NUTM2G: variants seen among roughly 807,000 people sequenced by gnomAD.
NUTM2G encodes the protein family with sequence similarity 22, member G.
In NUTM2G, 29 loss-of-function variants were observed where a neutral mutation model predicts 44.3. The observed-to-expected ratio is 0.66, with a 90% confidence interval of 0.49 to 0.89. NUTM2G has a LOEUF of 0.89. Ranked by LOEUF, NUTM2G falls within the 40% of genes least tolerant of loss-of-function variation. The pLI, the probability that NUTM2G is intolerant of heterozygous loss-of-function variation, is 0.00. For synonymous variants in NUTM2G, 205 were observed against 395.9 expected (o/e 0.52, Z 5.72); for missense variants, 502 against 946.5 (o/e 0.53, Z 6.16).
chr9:96,937,969 C>T lies in NUTM2G; in HGVS notation c.1408C>T (p.Leu470=). The change falls in exon 6 of 7, where the codon CTG becomes TTG. Residue 470 remains leucine (L), a synonymous_variant. Coordinates refer to ENST00000372322, the MANE Select transcript of NUTM2G (RefSeq NM_001170741.3). ...GGATTTCTTGGCCCTAAGCCAGGAG[C>T]TGGAGCAGGAGGAAGGACTCACCCT... ...QMDFLALSQE[L]EQEEGLTLAQ... is the part of the protein sequence containing the mutation. 1.2e-6 allele frequency: 2 copies of T among 1,612,152 alleles called. No individual in the cohort carries two copies. Among genetic ancestry groups the T allele is most frequent in the Non-Finnish European group, 1.7e-6 (2 of 1,179,834 alleles).
chr9:96,936,826 C>T (rs1826447446), intron 4 of NUTM2G, among the ~76,000 whole-genome samples: 1 of 152,162 alleles, frequency 6.6e-6, no homozygotes, highest in Non-Finnish European at 1.5e-5. Context: ...ATATGCTCTG[C>T]CCAGGAAGCA....
chr9:96,935,510 C>T lies in NUTM2G; in HGVS notation c.842+54C>T. The T allele has an allele frequency of 2.5e-6, 4 of 1,611,402 alleles. No homozygotes were observed. The East Asian group carries it at 6.7e-5, about 27-fold the overall frequency. ...CGTGTGGCGGGGTGAGAGTGAATGA[C>T]AGAGGCCCGGTGGCCGTGGTGGCTT... is the stretch of plus-strand genomic sequence containing the variant. On this transcript the variant is annotated intron_variant, in intron 3 of 6. Coordinates refer to ENST00000372322, the MANE Select transcript of NUTM2G (RefSeq NM_001170741.3).
chr9:96,935,521 T>C, intron 3 of NUTM2G, 65 bp downstream of exon 3: 1 of 1,611,094 alleles, frequency 6.2e-7, no homozygotes. Flanking sequence ...AGAGGCCCGG[T>C]GGCCGTGGTG....
chr9:96,933,990 G>A (rs986128510), intron 2 of NUTM2G: 4 of 152,186 alleles, frequency 2.6e-5, no homozygotes, highest in South Asian at 2.1e-4. Flanking sequence ...GACATACGTA[G>A]CACAGTGCCT....
chr9:96,938,148 AG>A (rs1220529762), intron 6 of NUTM2G, 147 bp downstream of exon 6: 1 of 660,424 alleles, frequency 1.5e-6, no homozygotes, highest in Non-Finnish European at 2.7e-6. Flanking sequence ...GCAGGTTCAG[AG>A]GGAGTAGGAT....
At chr9:96,930,926 G>A (rs1467760512) in intron 1 of NUTM2G, among the ~76,000 whole-genome samples, 4 of 101,448 alleles carry the variant, frequency 3.9e-5, no homozygotes, top group Admixed American at 3.1e-4. Flanking sequence ...ACGGAGTCTC[G>A]CTCTGTCACC....
chr9:96,936,074 G>C (rs1826421290), intron 3 of NUTM2G, among the ~76,000 whole-genome samples: 1 of 149,624 alleles, frequency 6.7e-6, no homozygotes, highest in African/African-American at 2.5e-5. Flanking sequence ...CACAGTCCCA[G>C]CCTCAGGACT....
intron 2 of NUTM2G, 143 bp downstream of exon 2, chr9:96,932,561 A>G: frequency 3.8e-6 from 5 of 1,314,112 alleles, no homozygotes; most frequent in South Asian, 1.3e-5. Flanking sequence ...GTACATTTTC[A>G]GCAACATTAA....
intron 3 of NUTM2G, among the ~76,000 whole-genome samples, chr9:96,936,157 G>A (rs1025865642): frequency 2.0e-5 from 3 of 149,100 alleles, no homozygotes; most frequent in African/African-American, 5.0e-5. Flanking sequence ...CCTGGAGGAG[G>A]GGTTCCCGGG....
intron 3 of NUTM2G, among the ~76,000 whole-genome samples, chr9:96,936,037 G>A (rs914523907): frequency 3.3e-5 from 5 of 149,512 alleles, no homozygotes; most frequent in Admixed American, 6.7e-5. Context: ...CCCGGGCCTC[G>A]TGTCCCTGGG....
chr9:96,938,529 C>A lies in NUTM2G; in HGVS notation c.1606C>A (p.Pro536Thr), dbSNP rs1164289012. ...ACAAAGGGTCAGCGTGGAAACCTCC[C>A]CACCCCAGACGGCTGCCCAGGACCC... ...PQQRVSVETS[P>T]PQTAAQDPQG... The change falls in exon 7 of 7, where the codon CCA becomes ACA. Residue 536 changes from proline (P) to threonine (T), a missense_variant. Physicochemically the swap from Pro to Thr is conservative, Grantham distance 38. Coordinates refer to ENST00000372322, the MANE Select transcript of NUTM2G (RefSeq NM_001170741.3). The A allele has an allele frequency of 6.2e-7, 1 of 1,613,448 alleles. No homozygotes were observed. Among genetic ancestry groups the A allele is most frequent in the African/African-American group, 1.3e-5 (1 of 74,926 alleles).
At chr9:96,929,807 T>G (rs1826180501) in intron 1 of NUTM2G, among the ~76,000 whole-genome samples, 1 of 152,034 alleles carries the variant, frequency 6.6e-6, no homozygotes, top group South Asian at 2.1e-4. Flanking sequence ...CCTCTGTACT[T>G]TGTGTTACTG....
At position 96,936,970 on chromosome 9, in the gene NUTM2G, C is replaced by T. The variant is rs535927725; in HGVS notation, c.983-94C>T. 2.0e-5 allele frequency: 27 copies of T among 1,367,046 alleles called. No individual in the cohort carries two copies. In the South Asian group the frequency reaches 3.4e-4, roughly 17 times the overall value. 84.7% of individuals were successfully genotyped at this position (1,367,046 alleles called of 1,614,324 possible). ...TCAGGTGGTCCTGACCCAGCTGGGA[C>T]CCACTTCACATCCCCAAGCCCTGCC... On this transcript the variant is annotated intron_variant, in intron 4 of 6. Coordinates refer to ENST00000372322, the MANE Select transcript of NUTM2G (RefSeq NM_001170741.3).
intron 1 of NUTM2G, among the ~76,000 whole-genome samples, chr9:96,931,402 T>A (rs1464536726): frequency 1.3e-5 from 2 of 151,666 alleles, no homozygotes; most frequent in Non-Finnish European, 2.9e-5. Context: ...GACTCATCCC[T>A]GACCCACGGC....
At position 96,937,252 on chromosome 9, in the gene NUTM2G, C is replaced by A. The variant is rs1302726824; in HGVS notation, c.1171C>A (p.Leu391Met). The stretch of plus-strand genomic sequence containing the variant: ...GTATGTGGACATCATGGAGGAGCTG[C>A]TGGGGTCTCACCCTGGGGACACAGG... ...QEYVDIMEEL[L>M]GSHPGDTGEP... Residue 391 changes from leucine (L) to methionine (M), a missense_variant, in exon 5 of 7, where the codon CTG becomes ATG. Coordinates refer to ENST00000372322, the MANE Select transcript of NUTM2G (RefSeq NM_001170741.3). 1.2e-6 allele frequency: 2 copies of A among 1,613,470 alleles called. No individual in the cohort carries two copies. Among genetic ancestry groups the A allele is most frequent in the South Asian group, 1.1e-5 (1 of 91,038 alleles).
At chr9:96,935,258 G>A (rs1826389361) in intron 2 of NUTM2G, 70 bp from the exon 3 acceptor site, 4 of 1,604,386 alleles carry the variant, frequency 2.5e-6, no homozygotes, top group East Asian at 2.2e-5. Context: ...CAGGAGCCAG[G>A]TGTTGGGACC....
intron 1 of NUTM2G, among the ~76,000 whole-genome samples, chr9:96,930,291 A>G (rs1234638567): frequency 2.0e-5 from 3 of 152,192 alleles, no homozygotes; most frequent in African/African-American, 7.2e-5. Flanking sequence ...TTGGGAGACC[A>G]AGGCATGTGG....
In NUTM2G at chr9:96,931,448, G is replaced by C. The variant is rs993095092; in HGVS notation, c.17-274G>C. Among the ~76,000 whole-genome samples, 2 of 151,748 alleles carry C rather than the reference G, an allele frequency of 1.3e-5. 1 individual carries two copies. Among genetic ancestry groups the C allele is most frequent in the East Asian group, 3.9e-4 (2 of 5,102 alleles). On this transcript the variant is annotated intron_variant, in intron 1 of 6. Coordinates refer to ENST00000372322, the MANE Select transcript of NUTM2G (RefSeq NM_001170741.3). The stretch of plus-strand genomic sequence containing the variant: ...CCTGTGAGGCTGGTGCAGTCTGCCA[G>C]GGACACCCGAGGGAGACCCTCAGAG...
Position 96,936,453 on chromosome 9 carries a change from A to G in NUTM2G, c.871A>G (p.Met291Val), listed in dbSNP as rs1294870992. The G allele has an allele frequency of 1.9e-6, 3 of 1,576,914 alleles. No homozygotes were observed. Among genetic ancestry groups the G allele is most frequent in the Admixed American group, 3.5e-5 (2 of 56,830 alleles). The part of the protein sequence containing the change: ...KFLEFEAEEE[M>V]QIQKSQWMKG... ...CCTGGAGTTTGAGGCTGAGGAGGAGATGCAGATTCAGAAATCGCAGTGGAT... is the reference window on the plus strand; with the variant it reads ...CCTGGAGTTTGAGGCTGAGGAGGAGGTGCAGATTCAGAAATCGCAGTGGAT... Residue 291 changes from methionine to valine, a missense_variant, in exon 4 of 7, where the codon ATG becomes GTG. Physicochemically the swap from Met to Val is conservative, Grantham distance 21 (BLOSUM62 1). Transcript: ENST00000372322.
Sources: gnomAD v4.1 joint callset for allele counts (sites outside exome capture counted in the v4.1 genomes callset) on GRCh38, gnomAD v4.1.1 for gene constraint, MANE v1.5 for transcripts, NCBI Gene and HGNC (gene_info 2026-07-23, HGNC 2026-07-21) for gene names.